The following SLA2 variants were observed in gnomAD, a reference collection of about 807,000 sequenced individuals.
SLA2 encodes Src like adaptor 2.
In SLA2, 22 loss-of-function variants were observed where a neutral mutation model predicts 27.3. That is an observed-to-expected ratio of 0.81 (90% CI 0.58 to 1.15). SLA2 has a LOEUF of 1.15. Ranked by LOEUF, SLA2 falls within the 50% of genes most tolerant of loss-of-function variation. The probability of loss-of-function intolerance (pLI) is 0.00; values close to 1 mark genes in which losing one functional copy is unlikely to be tolerated. For synonymous variants in SLA2, 131 were observed against 137.8 expected, an observed-to-expected ratio of 0.95 and a Z score of 0.34; for missense variants, 304 against 322.2, an observed-to-expected ratio of 0.94 and a Z score of 0.43.
Position 36,614,815 on chromosome 20 carries a change from G to GC in SLA2, c.533-379dup, listed in dbSNP as rs913630437. The GC allele has an allele frequency of 6.7e-5, 66 of 985,358 alleles. No individual in the cohort carries two copies. The African/African-American group carries it at 1.1e-3, about 17-fold the overall frequency. The allele number at this position is 985,358 out of a possible 1,614,324, so 61.0% of individuals were successfully genotyped here. On this transcript the variant is annotated intron_variant, in intron 6 of 7. Coordinates refer to ENST00000262866, the MANE Select transcript of SLA2 (RefSeq NM_032214.4). ...TTCACAAGAGTGCTCTTCCCTCTCT[G>GC]CCCCCTGACGCTGTGCCCAGTGACT...
chr20:36,629,212 G>A (rs1318284766), intron 5 of SLA2, among the ~76,000 whole-genome samples: 3 of 152,044 alleles, frequency 2.0e-5, no homozygotes, highest in African/African-American at 2.4e-5. Context: ...ACAGGCACCT[G>A]CCACCATGCC....
chr20:36,618,480 C>T (rs1334697239), intron 5 of SLA2, among the ~76,000 whole-genome samples: 2 of 151,866 alleles, frequency 1.3e-5, no homozygotes, highest in Non-Finnish European at 2.9e-5. Context: ...TTGTGATCTG[C>T]CCACCTTGGC....
intron 5 of SLA2, among the ~76,000 whole-genome samples, chr20:36,619,686 A>G (rs1328068767): frequency 6.8e-6 from 1 of 146,800 alleles, no homozygotes; most frequent in East Asian, 2.1e-4. Context: ...GCTGGAGTGC[A>G]GTGGCGCCAT....
At chr20:36,641,404 A>C in intron 1 of SLA2, 26 bp from the exon 2 acceptor site, 2 of 1,415,104 alleles carry the variant, frequency 1.4e-6, no homozygotes, top group Non-Finnish European at 2.0e-6. Context: ...TGATGGGGAC[A>C]GAGCCGAGGC....
chr20:36,638,728 C>A (rs906535426), intron 2 of SLA2, among the ~76,000 whole-genome samples: 2 of 152,224 alleles, frequency 1.3e-5, no homozygotes, highest in African/African-American at 4.8e-5. Flanking sequence ...AGTAAATACA[C>A]CATGAAGTAG....
chr20:36,636,522 T>C (rs1284226414), intron 2 of SLA2, among the ~76,000 whole-genome samples: 3 of 148,500 alleles, frequency 2.0e-5, no homozygotes, highest in Non-Finnish European at 4.4e-5. Flanking sequence ...GGAGAATCAC[T>C]TGAACCTGGG....
At chr20:36,616,367 G>A (rs994474066) in intron 5 of SLA2, among the ~76,000 whole-genome samples, 1 of 124,896 alleles carries the variant, frequency 8.0e-6, no homozygotes, top group African/African-American at 3.1e-5. Flanking sequence ...GTCTCCCTCT[G>A]TTGCCCAGGC....
chr20:36,625,216 A>ATTTTTTTTTTTTTTT lies in SLA2; in HGVS notation c.382+7364_382+7378dup, dbSNP rs71186005. Among the ~76,000 whole-genome samples, 26 of 78,490 alleles carry ATTTTTTTTTTTTTTT rather than the reference A, an allele frequency of 3.3e-4. 3 individuals are homozygous for ATTTTTTTTTTTTTTT. The highest frequency in any genetic ancestry group is 1.3e-3 in the African/African-American group (24 of 18,712). The allele number at this position is 78,490 out of a possible 152,430, so 51.5% of individuals were successfully genotyped here. ...TATTCTCATCAGACCACGTACCCTG[A>ATTTTTTTTTTTTTTT]TTTTTTTTTTTTTTTTTTTTTTTGA... On this transcript the variant is annotated intron_variant, in intron 5 of 7. Transcript: ENST00000262866.
chr20:36,621,218 GT>G, intron 5 of SLA2: 1 of 518,970 alleles, frequency 1.9e-6, no homozygotes, highest in Admixed American at 2.1e-5. Flanking sequence ...GGATATGATG[GT>G]TACAATGAAG....
At position 36,642,025 on chromosome 20, in the gene SLA2, G is replaced by A. The variant is rs182945588; in HGVS notation, c.-43-647C>T. Reference sequence around the variant, plus strand: ...CTAAAAATACAAAGATTAGCTGGGCGTGGTGGTGTGTACCTGTAGTCCCAG... The same window carrying A: ...CTAAAAATACAAAGATTAGCTGGGCATGGTGGTGTGTACCTGTAGTCCCAG... On this transcript the variant is annotated intron_variant, in intron 1 of 7. Coordinates refer to ENST00000262866, the MANE Select transcript of SLA2 (RefSeq NM_032214.4). Among the ~76,000 whole-genome samples the A allele has an allele frequency of 7.2e-4, 107 of 148,044 alleles. 1 individual carries two copies. The highest frequency in any genetic ancestry group is 2.5e-3 in the South Asian group (11 of 4,468).
chr20:36,644,099 G>A (rs1435990587), intron 1 of SLA2, among the ~76,000 whole-genome samples: 3 of 152,084 alleles, frequency 2.0e-5, no homozygotes, highest in Non-Finnish European at 4.4e-5. Flanking sequence ...CAGCCTTTTA[G>A]GATCCTGCAG....
intron 5 of SLA2, among the ~76,000 whole-genome samples, chr20:36,619,134 T>C (rs2039249306): frequency 6.8e-6 from 1 of 148,138 alleles, no homozygotes; most frequent in Non-Finnish European, 1.5e-5. Flanking sequence ...AGCAAGAGAA[T>C]TGCTTGAACC....
chr20:36,614,851 G>T, intron 6 of SLA2: 1 of 985,418 alleles, frequency 1.0e-6, no homozygotes. Flanking sequence ...GCATCTTCCA[G>T]TGTCTGTTGA....
intron 2 of SLA2, among the ~76,000 whole-genome samples, chr20:36,639,281 C>A (rs570536334): frequency 1.7e-4 from 26 of 152,154 alleles, no homozygotes; most frequent in Non-Finnish European, 3.1e-4. Flanking sequence ...TGCCTCCAGA[C>A]TGTGGTCAAC....
chr20:36,641,530 C>G (rs912849453), intron 1 of SLA2, among the ~76,000 whole-genome samples, 152 bp from the exon 2 acceptor site: 1 of 152,214 alleles, frequency 6.6e-6, no homozygotes, highest in Non-Finnish European at 1.5e-5. Flanking sequence ...CTGCCAGCCT[C>G]TGAAGGCTTC....
chr20:36,612,678 G>C lies in SLA2; in HGVS notation c.*1188C>G, dbSNP rs367865670. On this transcript the variant is annotated 3_prime_UTR_variant, in exon 8 of 8. Coordinates refer to ENST00000262866, the MANE Select transcript of SLA2 (RefSeq NM_032214.4). ...TTCTTCCTCTCCCTGATCCCTTAGC[G>C]GATCCAGCAGACCTCTTTCTGTTTA... 4.5e-6 allele frequency: 1 copy of C among 222,210 alleles called. No individual in the cohort carries two copies. The allele number at this position is 222,210 out of a possible 1,614,324, so 13.8% of individuals were successfully genotyped here. A position where few individuals can be genotyped will look rare whatever the true frequency, so the allele number is the denominator to read the frequency against.
chr20:36,634,753 C>A (rs1179719006), intron 2 of SLA2, among the ~76,000 whole-genome samples, 164 bp from the exon 3 acceptor site: 2 of 151,684 alleles, frequency 1.3e-5, no homozygotes, highest in Non-Finnish European at 2.9e-5. Context: ...TCAAGCTTTT[C>A]CAGCAGAACT....
chr20:36,636,711 G>T (rs977647837), intron 2 of SLA2, among the ~76,000 whole-genome samples: 2 of 149,720 alleles, frequency 1.3e-5, no homozygotes, highest in Non-Finnish European at 3.0e-5. Flanking sequence ...ACTTTGGAAG[G>T]CCAAGGCAGG....
intron 5 of SLA2, among the ~76,000 whole-genome samples, chr20:36,628,415 A>G (rs1172963840): frequency 6.6e-6 from 1 of 152,170 alleles, no homozygotes; most frequent in African/African-American, 2.4e-5. Context: ...CAGACGCACT[A>G]AATTAGTGGG....
Sources: gnomAD v4.1 joint callset for allele counts (sites outside exome capture counted in the v4.1 genomes callset) on GRCh38, gnomAD v4.1.1 for gene constraint, MANE v1.5 for transcripts, NCBI Gene and HGNC (gene_info 2026-07-23, HGNC 2026-07-21) for gene names.